The following TP73 variants were observed in gnomAD, a reference collection of about 807,000 sequenced individuals.
TP73 encodes the protein p53-like transcription factor.
A neutral mutation model predicts 62.5 loss-of-function variants in TP73; 25 were observed. That is an observed-to-expected ratio of 0.40 (90% confidence interval 0.29 to 0.56). The LOEUF (loss-of-function observed/expected upper bound fraction) is 0.56. TP73 is among the 20% of genes least tolerant of loss of function. The pLI, the probability that TP73 is intolerant of heterozygous loss-of-function variation, is 0.46. For synonymous variants in TP73, 423 were observed against 377.5 expected, an observed-to-expected ratio of 1.12 and a Z score of -1.40; for missense variants, 754 against 913.3, an observed-to-expected ratio of 0.83 and a Z score of 2.25.
At chr1:3,685,458 C>G (rs1445653126) in intron 3 of TP73, among the ~76,000 whole-genome samples, 2 of 152,232 alleles carry the variant, frequency 1.3e-5, no homozygotes, top group East Asian at 3.8e-4. Flanking sequence ...GCTCGACTCA[C>G]GGAGATGGGG....
At chr1:3,695,082 G>A (rs937344317) in intron 3 of TP73, among the ~76,000 whole-genome samples, 1 of 152,240 alleles carries the variant, frequency 6.6e-6, no homozygotes, top group African/African-American at 2.4e-5. Flanking sequence ...ACAAGGCCAC[G>A]TTCTGAGTCT....
intron 1 of TP73, among the ~76,000 whole-genome samples, chr1:3,653,521 G>T (rs1349005726): frequency 6.6e-6 from 1 of 152,234 alleles, no homozygotes; most frequent in African/African-American, 2.4e-5. Context: ...ACCAGCAAGG[G>T]TGCAGGGAAA....
At chr1:3,731,344 G>C (rs1179786584) in intron 12 of TP73, 119 bp from the exon 13 acceptor site, 1 of 1,117,790 alleles carries the variant, frequency 8.9e-7, no homozygotes, top group Admixed American at 2.1e-5. Context: ...GTGGGCTGGA[G>C]CCACCCTTCG....
rs139277240 is a variant in TP73 at position 3,695,581 on chromosome 1, C to T, written c.187-11968C>T. On this transcript the variant is annotated intron_variant, in intron 3 of 13. Transcript: ENST00000378295. ...AGCTTTGGACACCCCCACTCCCGTG[C>T]GCCCCATGGAGCCAGTGTCCACTCT... is the stretch of plus-strand genomic sequence containing the variant. Among the ~76,000 whole-genome samples, 419 of 152,360 alleles carry T rather than the reference C, an allele frequency of 2.8e-3. 2 individuals carry two copies. Among genetic ancestry groups the T allele is most frequent in the Non-Finnish European group, 4.3e-3 (292 of 68,032 alleles).
intron 1 of TP73, among the ~76,000 whole-genome samples, chr1:3,669,475 C>T (rs1345644120): frequency 2.0e-5 from 3 of 152,228 alleles, no homozygotes; most frequent in Non-Finnish European, 4.4e-5. Context: ...CCCCTTGGAC[C>T]CACCAGGAGC....
At chr1:3,712,376 G>C (rs752540462) in intron 4 of TP73, 1 of 152,216 alleles carries the variant, frequency 6.6e-6, no homozygotes, top group Non-Finnish European at 1.5e-5. Flanking sequence ...CTCGTGGCCC[G>C]AGCCGGGGTT....
Position 3,673,156 on chromosome 1 carries a change from G to A in TP73, c.-33-9177G>A, listed in dbSNP as rs183879987. Reference sequence around the variant, plus strand: ...TTCGAGGACGCCTCATTCCCTGAGAGACTGAGGATAGGCTGGTGCTCTGCA... The same window carrying A: ...TTCGAGGACGCCTCATTCCCTGAGAAACTGAGGATAGGCTGGTGCTCTGCA... On this transcript the variant is annotated intron_variant, in intron 1 of 13. Transcript: ENST00000378295. Among the ~76,000 whole-genome samples, 516 of 152,366 alleles carry A rather than the reference G, an allele frequency of 3.4e-3. 5 individuals are homozygous for A. Among genetic ancestry groups the A allele is most frequent in the African/African-American group, 0.011 (478 of 41,582 alleles).
intron 1 of TP73, among the ~76,000 whole-genome samples, chr1:3,656,338 C>T (rs1442199082): frequency 1.3e-5 from 2 of 152,258 alleles, no homozygotes; most frequent in South Asian, 2.1e-4. Flanking sequence ...AACACTCGCT[C>T]ATCCAAAGTG....
Position 3,672,327 on chromosome 1 carries a change from C to T in TP73, c.-33-10006C>T, listed in dbSNP as rs890782653. Among the ~76,000 whole-genome samples, 4 of 152,078 alleles carry T rather than the reference C, an allele frequency of 2.6e-5. No individual in the cohort carries two copies. The highest frequency in any genetic ancestry group is 9.7e-5 in the African/African-American group (4 of 41,398). ...TTCTGGAGGACAGCACAGGCACTTC[C>T]AACATGGGCGCTGGCCGCACAAAGG... On this transcript the variant is annotated intron_variant, in intron 1 of 13. Coordinates refer to ENST00000378295, the MANE Select transcript of TP73 (RefSeq NM_005427.4). This position sits in a 1 kb window ranked among gnomAD's most constrained non-coding sequence, Gnocchi z 5.3.
At chr1:3,690,236 C>T (rs1645776469) in intron 3 of TP73, among the ~76,000 whole-genome samples, 1 of 152,168 alleles carries the variant, frequency 6.6e-6, no homozygotes, top group African/African-American at 2.4e-5. Flanking sequence ...CCTCGGGGGT[C>T]TAGGGTCGAA....
chr1:3,702,962 G>A (rs1384909135), intron 3 of TP73, among the ~76,000 whole-genome samples: 1 of 152,186 alleles, frequency 6.6e-6, no homozygotes, highest in African/African-American at 2.4e-5. Flanking sequence ...GCTTGACCCC[G>A]AGCAGGAGCC....
In TP73 at chr1:3,654,591, G is replaced by T. The variant is rs111740550; in HGVS notation, c.-34+1950G>T. Among the ~76,000 whole-genome samples, 58 of 152,328 alleles carry T rather than the reference G, an allele frequency of 3.8e-4. 1 individual carries two copies. The highest frequency in any genetic ancestry group is 1.3e-3 in the African/African-American group (54 of 41,578). On this transcript the variant is annotated intron_variant, in intron 1 of 13. Coordinates refer to ENST00000378295, the MANE Select transcript of TP73 (RefSeq NM_005427.4). The stretch of plus-strand genomic sequence containing the variant: ...CTTGGAGAACAGTCAGTGAGGTGCC[G>T]TCCGAAGGGCTTGGGAGAGTGCCTG...
chr1:3,693,646 G>A (rs190930030), intron 3 of TP73, among the ~76,000 whole-genome samples: 2 of 152,024 alleles, frequency 1.3e-5, no homozygotes, highest in Admixed American at 6.6e-5. Flanking sequence ...GGGGACGCAG[G>A]GGGGCCTGGC....
chr1:3,703,637 A>C (rs979106111), intron 3 of TP73, among the ~76,000 whole-genome samples: 2 of 152,264 alleles, frequency 1.3e-5, no homozygotes, highest in African/African-American at 4.8e-5. Context: ...GACAAGTTAA[A>C]ATATGAAACA....
At chr1:3,708,860 C>T (rs745808945) in intron 4 of TP73, among the ~76,000 whole-genome samples, 46 of 152,214 alleles carry the variant, frequency 3.0e-4, no homozygotes, top group Non-Finnish European at 5.9e-4. Flanking sequence ...CACTGGGCAG[C>T]GTCCCCTCCC....
chr1:3,696,744 CT>C lies in TP73; in HGVS notation c.187-10803del, dbSNP rs1638696080. Among the ~76,000 whole-genome samples, 1 of 152,132 alleles carries C rather than the reference CT, an allele frequency of 6.6e-6. No homozygotes were observed. The highest frequency in any genetic ancestry group is 2.4e-5 in the African/African-American group (1 of 41,426). On this transcript the variant is annotated intron_variant, in intron 3 of 13. Transcript: ENST00000378295. The surrounding 1 kb of genome is among the most constrained non-coding windows in gnomAD (Gnocchi z 4.1). ...GGAGCCCTCAGCATCCTCTCCAGGC[CT>C]TGTGTCATGAAAGACCCCGAGCAGC...
At position 3,722,146 on chromosome 1, in the gene TP73, G is replaced by C. The variant is rs1291907653; in HGVS notation, c.555G>C (p.Glu185Asp). 1.9e-6 allele frequency: 3 copies of C among 1,612,750 alleles called. No homozygotes were observed. Among genetic ancestry groups the C allele is most frequent in the Non-Finnish European group, 2.5e-6 (3 of 1,179,868 alleles). The change falls in exon 5 of 14, where the codon GAG becomes GAC. Residue 185 changes from glutamate to aspartate, a missense_variant. By Grantham distance (45) the Glu-to-Asp change is conservative. Transcript: ENST00000378295. Reference sequence around the variant, plus strand: ...CCATGCCTGTTTACAAGAAAGCGGAGCACGTGACCGACGTCGTGAAACGCT... The same window carrying C: ...CCATGCCTGTTTACAAGAAAGCGGACCACGTGACCGACGTCGTGAAACGCT... ...IRAMPVYKKAEHVTDVVKRCP... is the reference protein window; with the variant it reads ...IRAMPVYKKADHVTDVVKRCP...
intron 4 of TP73, among the ~76,000 whole-genome samples, chr1:3,719,885 T>C (rs1027526290): frequency 1.5e-4 from 21 of 142,328 alleles, no homozygotes; most frequent in African/African-American, 5.0e-4. Flanking sequence ...TTTCTTTTTT[T>C]CTCTTTGTGT....
chr1:3,729,521 G>A (rs989984102), intron 10 of TP73, 73 bp downstream of exon 10: 6 of 1,605,046 alleles, frequency 3.7e-6, no homozygotes, highest in Non-Finnish European at 4.2e-6. Flanking sequence ...AAGGCCAGGA[G>A]GACCAGAAAC....
Sources: allele counts gnomAD v4.1 joint callset (sites outside exome capture counted in the v4.1 genomes callset), GRCh38; gene constraint gnomAD v4.1.1; non-coding constraint Gnocchi (gnomAD v3.1); transcripts MANE v1.5; gene names NCBI Gene and HGNC (gene_info 2026-07-23, HGNC 2026-07-21).